KMO: variants seen among roughly 807,000 people sequenced by gnomAD.
KMO encodes kynurenine 3-monooxygenase.
Under a neutral mutation model 57.8 loss-of-function variants are expected in KMO, and 24 were observed. The ratio of observed to expected loss-of-function variants is 0.42; its 90% CI spans 0.30 to 0.58. The LOEUF is 0.58. Among genes scored for constraint, KMO ranks in the 20% least tolerant of loss-of-function variants. The probability of loss-of-function intolerance (pLI) is 0.22; values close to 1 mark genes in which losing one functional copy is unlikely to be tolerated. For missense variants in KMO, 483 were observed against 588.2 expected (o/e 0.82, Z 1.85); for synonymous variants, 210 against 193.6 (o/e 1.08, Z -0.70).
intron 1 of KMO, among the ~76,000 whole-genome samples, chr1:241,542,851 T>C (rs924978666): frequency 4.6e-5 from 7 of 152,200 alleles, no homozygotes; most frequent in African/African-American, 1.7e-4. Context: ...CAACTCAAGA[T>C]GGCACTGGCA....
At chr1:241,573,421 G>A (rs1378673347) in intron 10 of KMO, among the ~76,000 whole-genome samples, 3 of 152,124 alleles carry the variant, frequency 2.0e-5, no homozygotes, top group African/African-American at 7.2e-5. Flanking sequence ...TTAGGTTTAA[G>A]TCTTTTATCC....
At chr1:241,579,183 A>T (rs549594728) in intron 10 of KMO, among the ~76,000 whole-genome samples, 28 of 152,112 alleles carry the variant, frequency 1.8e-4, no homozygotes, top group Non-Finnish European at 2.6e-4. Flanking sequence ...GCTGTCTGTA[A>T]TGGACTGTGT....
chr1:241,576,616 T>G (rs1176288133), intron 10 of KMO, among the ~76,000 whole-genome samples: 2 of 152,182 alleles, frequency 1.3e-5, no homozygotes, highest in Non-Finnish European at 2.9e-5. Context: ...AGATTTCTGC[T>G]GAGAAGTCTG....
At chr1:241,555,472 T>G in intron 4 of KMO, 140 bp from the exon 5 acceptor site, 1 of 503,028 alleles carries the variant, frequency 2.0e-6, no homozygotes, top group Non-Finnish European at 3.6e-6. Flanking sequence ...AAATCAAAGG[T>G]CACTTAGCGA....
rs369274364 is a variant in KMO, at chr1:241,565,216, A to G, written c.687+158A>G. On this transcript the variant is annotated intron_variant, in intron 8 of 14. Transcript: ENST00000366559. ...GAAACTTTGGGATTACTGAGGAAAA[A>G]TCTGAAGGATTTCCAATTATTTACT... Among the ~76,000 whole-genome samples the G allele has an allele frequency of 5.3e-5, 8 of 152,302 alleles. No individual in the cohort carries two copies. The South Asian group carries it at 1.7e-3, about 32-fold the overall frequency.
At chr1:241,534,754 C>G (rs1389332124) in intron 1 of KMO, among the ~76,000 whole-genome samples, 3 of 152,212 alleles carry the variant, frequency 2.0e-5, no homozygotes, top group Non-Finnish European at 4.4e-5. Context: ...ATACTACACA[C>G]CACAGCCAGA....
chr1:241,589,456 C>T (rs1663158621), intron 12 of KMO, among the ~76,000 whole-genome samples: 1 of 152,168 alleles, frequency 6.6e-6, no homozygotes, highest in African/African-American at 2.4e-5. Flanking sequence ...GCCATCTCTC[C>T]TGAAGACAGA....
intron 1 of KMO, among the ~76,000 whole-genome samples, chr1:241,542,538 C>G (rs1254137602): frequency 6.6e-6 from 1 of 152,238 alleles, no homozygotes; most frequent in Admixed American, 6.5e-5. Context: ...ATCTCACTAT[C>G]GTGAACGTTT....
At chr1:241,542,945 A>T (rs10926513) in intron 1 of KMO, among the ~76,000 whole-genome samples, 44,504 of 152,060 alleles carry the variant, frequency 0.29, 7,610 homozygotes, top group Non-Finnish European at 0.39. Flanking sequence ...AGCCACGCCC[A>T]TTACTACCCC....
chr1:241,566,318 G>C (rs1156474224), intron 8 of KMO, among the ~76,000 whole-genome samples, 173 bp from the exon 9 acceptor site: 1 of 152,190 alleles, frequency 6.6e-6, no homozygotes, highest in South Asian at 2.1e-4. Context: ...GGACTTTGCA[G>C]AGCTTTTCTT....
At chr1:241,586,261 C>T (rs553147150) in intron 10 of KMO, among the ~76,000 whole-genome samples, 2 of 131,694 alleles carry the variant, frequency 1.5e-5, no homozygotes, top group South Asian at 2.4e-4. Context: ...TGCAGTGGAG[C>T]GATCTCGGCT....
At chr1:241,554,777 G>T (rs1054695812) in intron 4 of KMO, among the ~76,000 whole-genome samples, 2 of 148,952 alleles carry the variant, frequency 1.3e-5, no homozygotes, top group Admixed American at 1.3e-4. Flanking sequence ...TCGAGACCAG[G>T]CTGGCCAACA....
In KMO at chr1:241,586,736, A is replaced by G; in HGVS notation, c.1015A>G (p.Ser339Gly). Residue 339 changes from serine to glycine, a missense_variant and splice_region_variant, in exon 11 of 15, where the codon AGT becomes GGT. Physicochemically the swap from Ser to Gly is moderately conservative, Grantham distance 56. Coordinates refer to ENST00000366559, the MANE Select transcript of KMO (RefSeq NM_003679.5). ...ELMDKFSNDL[S>G]LCLPVFSRLR... ...AATGGATAAATTCAGTAACGACCTT[A>G]GTAAGTAAGGTCAATTTCTCAACTG... 6.2e-7 allele frequency: 1 copy of G among 1,601,490 alleles called. No homozygotes were observed.
intron 8 of KMO, 59 bp from the exon 9 acceptor site, chr1:241,566,432 C>T (rs1335381101): frequency 7.0e-6 from 11 of 1,564,448 alleles, no homozygotes; most frequent in Non-Finnish European, 9.5e-6. Flanking sequence ...CAGGAGCCAC[C>T]TAGTGCCAGC....
intron 5 of KMO, among the ~76,000 whole-genome samples, chr1:241,556,899 T>TAAG (rs1458036214): frequency 6.6e-6 from 1 of 151,026 alleles, no homozygotes. Flanking sequence ...AATAAAATAA[T>TAAG]AATAATAATA....
At position 241,594,720 on chromosome 1, in the gene KMO, T is replaced by A; in HGVS notation, c.*2567T>A. The A allele has an allele frequency of 6.2e-7, 1 of 1,601,376 alleles. No homozygotes were observed. The highest frequency in any genetic ancestry group is 8.5e-7 in the Non-Finnish European group (1 of 1,174,214). The stretch of plus-strand genomic sequence containing the variant: ...GGCAGAGAAAAAATAAAGTGGAATA[T>A]TAAGTAAAAGTTGGGCACTAATCTG... On this transcript the variant is annotated 3_prime_UTR_variant, in exon 15 of 15. Transcript: ENST00000366559.
intron 2 of KMO, among the ~76,000 whole-genome samples, chr1:241,549,225 G>GAAAA: frequency 2.1e-4 from 2 of 9,472 alleles, no homozygotes; most frequent in African/African-American, 3.5e-4. Flanking sequence ...AAGAAAGAAA[G>GAAAA]AAAGAAAGAA....
At chr1:241,565,562 A>G (rs77057805) in intron 8 of KMO, among the ~76,000 whole-genome samples, 13 of 11,656 alleles carry the variant, frequency 1.1e-3, no homozygotes, top group African/African-American at 2.3e-3. Context: ...CTCTACTAAA[A>G]AAAAAAAAAA....
At chr1:241,570,768 T>G (rs1222898325) in intron 10 of KMO, among the ~76,000 whole-genome samples, 1 of 152,128 alleles carries the variant, frequency 6.6e-6, no homozygotes. Flanking sequence ...CTATTCTGTG[T>G]CTTTGGTGAT....
Sources: gnomAD v4.1 joint callset for allele counts (sites outside exome capture counted in the v4.1 genomes callset) on GRCh38, gnomAD v4.1.1 for gene constraint, MANE v1.5 for transcripts, NCBI Gene and HGNC (gene_info 2026-07-23, HGNC 2026-07-21) for gene names.